KCNH8: variants seen among roughly 807,000 people sequenced by gnomAD.
The protein encoded by KCNH8 is voltage-gated delayed rectifier potassium channel KCNH8.
KCNH8 carries 70 observed loss-of-function variants against 103.6 expected under a neutral mutation model. That is an observed-to-expected ratio of 0.68 (90% CI 0.56 to 0.82). The LOEUF (loss-of-function observed/expected upper bound fraction) is 0.82. Ranked by LOEUF, KCNH8 falls within the 40% of genes least tolerant of loss-of-function variation. KCNH8 has a pLI of 0.00. For missense variants in KCNH8, 1,217 were observed against 1,329.9 expected (o/e 0.92, Z 1.32); for synonymous variants, 498 against 489.4 (o/e 1.02, Z -0.23).
chr3:19,215,047 A>G (rs2063805335), intron 1 of KCNH8, among the ~76,000 whole-genome samples: 1 of 152,204 alleles, frequency 6.6e-6, no homozygotes, highest in Admixed American at 6.5e-5. Flanking sequence ...CCCTGCTGTT[A>G]CTGGCTTGGG....
At chr3:19,416,731 T>A (rs187161247) in intron 7 of KCNH8, among the ~76,000 whole-genome samples, 1 of 152,318 alleles carries the variant, frequency 6.6e-6, no homozygotes, top group African/African-American at 2.4e-5. Context: ...TCACCTGCCC[T>A]GGGATCAAAT....
chr3:19,255,337 A>G (rs906181553), intron 2 of KCNH8, among the ~76,000 whole-genome samples: 1 of 152,170 alleles, frequency 6.6e-6, no homozygotes, highest in Non-Finnish European at 1.5e-5. Context: ...TATATTAAGA[A>G]GTTAAGACAG....
chr3:19,266,176 A>G (rs2064507995), intron 2 of KCNH8, among the ~76,000 whole-genome samples: 1 of 152,078 alleles, frequency 6.6e-6, no homozygotes, highest in Non-Finnish European at 1.5e-5. Flanking sequence ...TCACTCTGGC[A>G]TATAAAGCCA....
intron 5 of KCNH8, among the ~76,000 whole-genome samples, chr3:19,376,097 C>T (rs979980389): frequency 6.6e-6 from 1 of 152,318 alleles, no homozygotes; most frequent in South Asian, 2.1e-4. Context: ...CAGAGGCAGG[C>T]AGGCCTCCTT....
intron 2 of KCNH8, among the ~76,000 whole-genome samples, chr3:19,278,455 A>C (rs1376414527): frequency 7.8e-6 from 1 of 128,570 alleles, no homozygotes; most frequent in Non-Finnish European, 1.7e-5. Flanking sequence ...GGCAGGCAGG[A>C]AGGAAGGAAA....
chr3:19,528,456 C>T (rs1476425438), intron 15 of KCNH8, among the ~76,000 whole-genome samples: 2 of 151,896 alleles, frequency 1.3e-5, no homozygotes, highest in Non-Finnish European at 2.9e-5. Context: ...CCTTGGCCAA[C>T]GGAGACATAT....
chr3:19,298,749 C>T (rs893727741), intron 3 of KCNH8, among the ~76,000 whole-genome samples: 8 of 151,744 alleles, frequency 5.3e-5, no homozygotes, highest in Middle Eastern at 6.8e-3. Flanking sequence ...GGTGAAACCC[C>T]GTCTCTACTA....
At position 19,242,532 on chromosome 3, in the gene KCNH8, T is replaced by C. The variant is rs139988287; in HGVS notation, c.77-11122T>C. Among the ~76,000 whole-genome samples the C allele has an allele frequency of 1.1e-4, 16 of 152,222 alleles. No homozygotes were observed. In the East Asian group the frequency reaches 2.7e-3, roughly 26 times the overall value. On this transcript the variant is annotated intron_variant, in intron 1 of 15. Coordinates refer to ENST00000328405, the MANE Select transcript of KCNH8 (RefSeq NM_144633.3). ...TTAGGAATAAAAGAAAACCATAAGA[T>C]CAAAGGGGTTATTATTCAGAAGGGA...
chr3:19,464,717 C>T (rs796331191), intron 11 of KCNH8, among the ~76,000 whole-genome samples: 6 of 152,158 alleles, frequency 3.9e-5, no homozygotes, highest in African/African-American at 1.2e-4. Context: ...ATGAGGAAAA[C>T]GATCAGGCAC....
At chr3:19,270,390 A>AT (rs1001970427) in intron 2 of KCNH8, among the ~76,000 whole-genome samples, 32 of 152,244 alleles carry the variant, frequency 2.1e-4, no homozygotes, top group Non-Finnish European at 3.5e-4. Flanking sequence ...CTCAAAATGT[A>AT]TTTTTTTCTG....
intron 7 of KCNH8, among the ~76,000 whole-genome samples, chr3:19,402,238 T>G (rs1170195060): frequency 6.6e-6 from 1 of 151,990 alleles, no homozygotes; most frequent in Non-Finnish European, 1.5e-5. Flanking sequence ...TTGTTAATAC[T>G]CTATTAACAT....
chr3:19,244,155 G>C (rs879725970), intron 1 of KCNH8, among the ~76,000 whole-genome samples: 1 of 152,088 alleles, frequency 6.6e-6, no homozygotes, highest in African/African-American at 2.4e-5. Context: ...AATGAAAATT[G>C]TCCCAGAAAA....
At chr3:19,499,985 A>T (rs1366106728) in intron 11 of KCNH8, among the ~76,000 whole-genome samples, 1 of 152,212 alleles carries the variant, frequency 6.6e-6, no homozygotes, top group Non-Finnish European at 1.5e-5. Context: ...ATTAAAAGAC[A>T]CAGACTGGCA....
chr3:19,196,522 T>C (rs918499727), intron 1 of KCNH8, among the ~76,000 whole-genome samples: 1 of 151,950 alleles, frequency 6.6e-6, no homozygotes, highest in Non-Finnish European at 1.5e-5. Context: ...TCCTTCCTGG[T>C]TATGTTTATA....
chr3:19,257,634 A>G (rs746915080), intron 2 of KCNH8, among the ~76,000 whole-genome samples: 2 of 152,054 alleles, frequency 1.3e-5, no homozygotes, highest in African/African-American at 2.4e-5. Context: ...ACCTATTTGC[A>G]TATTAGTAGG....
intron 1 of KCNH8, among the ~76,000 whole-genome samples, chr3:19,197,173 C>T (rs1349582514): frequency 6.6e-6 from 1 of 151,998 alleles, no homozygotes; most frequent in African/African-American, 2.4e-5. Context: ...CCCTCAGTGA[C>T]TTCCATGGTC....
intron 11 of KCNH8, among the ~76,000 whole-genome samples, chr3:19,464,225 A>G (rs2067690667): frequency 6.6e-6 from 1 of 152,138 alleles, no homozygotes; most frequent in African/African-American, 2.4e-5. Context: ...CAGGTTCCAC[A>G]AACAGGCCCA....
intron 7 of KCNH8, 146 bp from the exon 8 acceptor site, chr3:19,438,018 A>G (rs2067226437): frequency 2.9e-6 from 2 of 685,658 alleles, no homozygotes; most frequent in Non-Finnish European, 5.1e-6. Flanking sequence ...ATGAAATCTA[A>G]TAGCTTGCCT....
rs57684768 is a variant in KCNH8, at chr3:19,507,918, A to T, written c.2041-2445A>T. Among the ~76,000 whole-genome samples, 8 of 152,066 alleles carry T rather than the reference A, an allele frequency of 5.3e-5. No individual in the cohort carries two copies. The East Asian group carries it at 1.6e-3, about 30-fold the overall frequency. On this transcript the variant is annotated intron_variant, in intron 11 of 15. Transcript: ENST00000328405. Reference sequence around the variant, plus strand: ...ACCTTCCCAAAAGATGGCTCTTACTATTTTCGGGTATATTCCTCTGATGAC... The same window carrying T: ...ACCTTCCCAAAAGATGGCTCTTACTTTTTTCGGGTATATTCCTCTGATGAC...
Sources: allele counts gnomAD v4.1 joint callset (sites outside exome capture counted in the v4.1 genomes callset), GRCh38; gene constraint gnomAD v4.1.1; transcripts MANE v1.5; gene names NCBI Gene and HGNC (gene_info 2026-07-23, HGNC 2026-07-21).